Variants in HNF4G observed in about 807,000 individuals in gnomAD.
The protein encoded by HNF4G is hepatocyte nuclear factor 4-gamma.
Under a neutral mutation model 50.9 loss-of-function variants are expected in HNF4G, and 21 were observed. The ratio of observed to expected loss-of-function variants is 0.41; its 90% CI spans 0.29 to 0.59. The LOEUF is 0.59. Ranked by LOEUF, HNF4G falls within the 20% of genes least tolerant of loss-of-function variation. The pLI is 0.26. For missense variants in HNF4G, 527 were observed against 559.4 expected, an observed-to-expected ratio of 0.94 and a Z score of 0.58; for synonymous variants, 198 against 185.6, an observed-to-expected ratio of 1.07 and a Z score of -0.54.
At chr8:75,462,400 T>C (rs1190289997) in intron 1 of HNF4G, among the ~76,000 whole-genome samples, 1 of 152,152 alleles carries the variant, frequency 6.6e-6, no homozygotes, top group Admixed American at 6.6e-5. Context: ...AAGTGACTAA[T>C]GGCTGAATAG....
intron 1 of HNF4G, among the ~76,000 whole-genome samples, chr8:75,464,536 A>G (rs1289155267): frequency 6.6e-6 from 1 of 152,122 alleles, no homozygotes; most frequent in African/African-American, 2.4e-5. Flanking sequence ...TTCTTCATTC[A>G]GAATGTGTGG....
chr8:75,512,165 T>C (rs1805772012), intron 2 of HNF4G, among the ~76,000 whole-genome samples: 1 of 151,900 alleles, frequency 6.6e-6, no homozygotes, highest in African/African-American at 2.4e-5. Context: ...CAAATCTTTA[T>C]GTTTTTAAAT....
upstream of HNF4G, chr8:75,539,830 C>A (rs1027384048): frequency 1.2e-5 from 7 of 583,770 alleles, no homozygotes; most frequent in African/African-American, 1.9e-5. Context: ...ACAGCCCCTC[C>A]CATTGCAGCT....
At chr8:75,439,185 G>T (rs1028327338) in intron 1 of HNF4G, among the ~76,000 whole-genome samples, 9 of 152,112 alleles carry the variant, frequency 5.9e-5, no homozygotes, top group Non-Finnish European at 5.9e-5. Flanking sequence ...AGCATCCAAA[G>T]AGTAAATGAA....
intron 1 of HNF4G, among the ~76,000 whole-genome samples, chr8:75,458,892 TA>T (rs1266472177): frequency 6.6e-6 from 1 of 152,202 alleles, no homozygotes; most frequent in Admixed American, 6.5e-5. Flanking sequence ...ATGGATATGA[TA>T]TTAATGAAAA....
intron 1 of HNF4G, among the ~76,000 whole-genome samples, chr8:75,429,678 G>A (rs1440911552): frequency 6.6e-6 from 1 of 152,172 alleles, no homozygotes; most frequent in African/African-American, 2.4e-5. Context: ...GTTAAGCACA[G>A]CTCTGTGTTT....
intron 2 of HNF4G, among the ~76,000 whole-genome samples, chr8:75,522,906 A>G (rs78395118): frequency 0.019 from 2,856 of 152,218 alleles, 89 homozygotes; most frequent in East Asian, 0.14. Context: ...GATGGCATCA[A>G]AGAAACAAAG....
chr8:75,414,268 C>A (rs139215186), intron 1 of HNF4G, among the ~76,000 whole-genome samples: 10 of 151,734 alleles, frequency 6.6e-5, no homozygotes, highest in African/African-American at 1.5e-4. Flanking sequence ...TACTATGTAC[C>A]CTTTTATGTC....
At chr8:75,475,480 A>G (rs1178297955) in intron 1 of HNF4G, among the ~76,000 whole-genome samples, 1 of 152,118 alleles carries the variant, frequency 6.6e-6, no homozygotes, top group Non-Finnish European at 1.5e-5. Context: ...GAGCCTATGC[A>G]TGTTTATGTG....
chr8:75,556,418 G>T (rs996176322), intron 6 of HNF4G, among the ~76,000 whole-genome samples: 1 of 152,106 alleles, frequency 6.6e-6, no homozygotes, highest in Non-Finnish European at 1.5e-5. Context: ...TATTTCCTCA[G>T]AGTCTGCTTT....
intron 1 of HNF4G, among the ~76,000 whole-genome samples, chr8:75,487,072 CAAATATTAAAAACCCAG>C (rs1374153931): frequency 2.0e-5 from 3 of 152,092 alleles, no homozygotes; most frequent in Admixed American, 6.5e-5. Flanking sequence ...TAAAAATTGG[CAAATATTAAAAACCCAG>C]TTTTTTACTC....
chr8:75,543,743 AATTAGTAGGACAATTT>A, intron 1 of HNF4G, 52 bp from the exon 2 acceptor site: 1 of 1,325,016 alleles, frequency 7.5e-7, no homozygotes, highest in Non-Finnish European at 1.0e-6. Context: ...GCCTATAAAT[AATTAGTAGGACAATTT>A]AGTCAGGAAA....
At chr8:75,508,861 G>T (rs2130721229) in intron 2 of HNF4G, among the ~76,000 whole-genome samples, 1 of 152,336 alleles carries the variant, frequency 6.6e-6, no homozygotes, top group Non-Finnish European at 1.5e-5. Flanking sequence ...CCATGTGGAG[G>T]AATTTATGCT....
chr8:75,513,378 T>C lies in HNF4G; in HGVS notation c.-24+23170T>C, dbSNP rs560251135. On this transcript the variant is annotated intron_variant, in intron 2 of 10. Coordinates refer to the HNF4G transcript ENST00000354370. Reference sequence around the variant, plus strand: ...TGATGACTTTATTCAGATTTTCTATTTCTTGTGATTAAATTTGTTAAATTT... The same window carrying C: ...TGATGACTTTATTCAGATTTTCTATCTCTTGTGATTAAATTTGTTAAATTT... 1.9e-4 allele frequency among the ~76,000 whole-genome samples: 29 copies of C among 152,318 alleles called. No individual in the cohort carries two copies. The South Asian group carries it at 5.6e-3, about 29-fold the overall frequency.
At position 75,438,029 on chromosome 8, in the gene HNF4G, T is replaced by A. The variant is rs1398581386; in HGVS notation, c.-144+29867T>A. On this transcript the variant is annotated intron_variant, in intron 1 of 10. Transcript: ENST00000354370. ...ATTCATAATATGTAATTAATAGAGT[T>A]TTTAATGTGACAAATGAGCTTGTTT... Among the ~76,000 whole-genome samples the A allele has an allele frequency of 8.5e-5, 13 of 152,152 alleles. 1 individual carries two copies. Among genetic ancestry groups the A allele is most frequent in the African/African-American group, 3.1e-4 (13 of 41,448 alleles).
chr8:75,504,029 C>G (rs934464326), intron 2 of HNF4G, among the ~76,000 whole-genome samples: 2 of 152,070 alleles, frequency 1.3e-5, no homozygotes, highest in East Asian at 3.9e-4. Context: ...CCAGACCAGC[C>G]TGGCCAACAT....
chr8:75,414,255 A>C (rs535512073), intron 1 of HNF4G, among the ~76,000 whole-genome samples: 2 of 152,076 alleles, frequency 1.3e-5, no homozygotes, highest in African/African-American at 4.8e-5. Context: ...AAATGGAATC[A>C]TATACTATGT....
intron 1 of HNF4G, among the ~76,000 whole-genome samples, chr8:75,449,187 T>C (rs1463405811): frequency 6.6e-6 from 1 of 152,200 alleles, no homozygotes; most frequent in Non-Finnish European, 1.5e-5. Context: ...TCTATCTTTC[T>C]GCTTTGCTAT....
At position 75,554,163 on chromosome 8, in the gene HNF4G, A is replaced by G. The variant is rs947472518; in HGVS notation, c.645+966A>G. ...TGCCTTCCTGGTGTGAGTCACGAAT[A>G]TTGACATACCATAAAGATAGCATGG... is the stretch of plus-strand genomic sequence containing the variant. On this transcript the variant is annotated intron_variant, in intron 5 of 9. Coordinates refer to ENST00000396423, the MANE Select transcript of HNF4G (RefSeq NM_004133.5). 4.6e-5 allele frequency among the ~76,000 whole-genome samples: 7 copies of G among 152,262 alleles called. No individual in the cohort carries two copies. In the East Asian group the frequency reaches 1.2e-3, roughly 25 times the overall value.
Sources: gnomAD v4.1 joint callset for allele counts (sites outside exome capture counted in the v4.1 genomes callset) on GRCh38, gnomAD v4.1.1 for gene constraint, MANE v1.5 for transcripts, NCBI Gene and HGNC (gene_info 2026-07-23, HGNC 2026-07-21) for gene names.